The following CAST variants were observed in gnomAD, a reference collection of about 807,000 sequenced individuals.
CAST encodes the protein MIR583 host.
In CAST, 76 loss-of-function variants were observed where a neutral mutation model predicts 119.6. That is an observed-to-expected ratio of 0.64 (90% CI 0.53 to 0.77). The LOEUF is 0.77. CAST is among the 30% of genes least tolerant of loss of function. CAST has a pLI of 0.00. For synonymous variants in CAST, 319 were observed against 331.6 expected (o/e 0.96, Z 0.41); for missense variants, 953 against 946.5 (o/e 1.01, Z -0.09).
the CAST span, among the ~76,000 whole-genome samples, chr5:96,430,065 G>T: frequency 6.6e-6 from 1 of 152,172 alleles, no homozygotes; most frequent in Non-Finnish European, 1.5e-5. Context: ...TGTAGCCATT[G>T]AATTCATAGT....
chr5:96,694,861 A>T (rs1336304160), intron 2 of CAST, among the ~76,000 whole-genome samples: 2 of 152,244 alleles, frequency 1.3e-5, no homozygotes, highest in Non-Finnish European at 2.9e-5. Context: ...TACTCTTCAC[A>T]CCATCAGAAA....
the CAST span, chr5:95,961,869 G>A: frequency 1.9e-6 from 2 of 1,070,196 alleles, no homozygotes; most frequent in Non-Finnish European, 2.5e-6. Flanking sequence ...GCCAGACCTC[G>A]GACTGCCACC....
At chr5:96,603,536 G>A (rs986140705) in intron 1 of CAST, among the ~76,000 whole-genome samples, 4 of 152,084 alleles carry the variant, frequency 2.6e-5, no homozygotes, top group African/African-American at 9.7e-5. Context: ...CTCTTCAGGG[G>A]CAATAACACC....
chr5:96,365,524 T>C, the CAST span, among the ~76,000 whole-genome samples: 25 of 152,364 alleles, frequency 1.6e-4, no homozygotes, highest in East Asian at 4.8e-3. Flanking sequence ...TGGGTGCATA[T>C]ATATTTAGGA....
At chr5:96,042,675 C>T in the CAST span, among the ~76,000 whole-genome samples, 4 of 152,108 alleles carry the variant, frequency 2.6e-5, no homozygotes, top group Admixed American at 2.0e-4. Context: ...AGCTGTATGA[C>T]AAAGTGGCTA....
chr5:96,046,845 A>G, the CAST span, among the ~76,000 whole-genome samples: 2 of 152,170 alleles, frequency 1.3e-5, no homozygotes, highest in African/African-American at 4.8e-5. Flanking sequence ...CAAGAGAAAA[A>G]TGAGGAAGAA....
chr5:96,594,514 A>C (rs2150192492), intron 1 of CAST, among the ~76,000 whole-genome samples: 1 of 152,364 alleles, frequency 6.6e-6, no homozygotes, highest in East Asian at 1.9e-4. Flanking sequence ...GCGTTGTAGA[A>C]TATAAAGATG....
the CAST span, among the ~76,000 whole-genome samples, chr5:96,268,917 A>G: frequency 1.3e-5 from 2 of 152,072 alleles, no homozygotes; most frequent in South Asian, 2.1e-4. Flanking sequence ...GTTTCCCCCA[A>G]TGCTGTTCTC....
chr5:96,458,578 T>C, the CAST span, among the ~76,000 whole-genome samples: 1 of 152,128 alleles, frequency 6.6e-6, no homozygotes, highest in Non-Finnish European at 1.5e-5. Context: ...TAAGAATGGA[T>C]ATAATTTCAG....
chr5:95,962,460 A>G, the CAST span, among the ~76,000 whole-genome samples: 1 of 152,198 alleles, frequency 6.6e-6, no homozygotes, highest in South Asian at 2.1e-4. Context: ...GAAACTGCTC[A>G]CTCTAAACTT....
At chr5:96,743,698 C>T (rs26506) in intron 16 of CAST, 1,016,347 of 1,608,898 alleles carry the variant, frequency 0.63, 324,652 homozygotes, top group Non-Finnish European at 0.66. Flanking sequence ...AGCTTTGTGA[C>T]GGTGAACGCA....
At chr5:96,632,670 G>A (rs554222344) in intron 1 of CAST, among the ~76,000 whole-genome samples, 161 of 74,080 alleles carry the variant, frequency 2.2e-3, no homozygotes, top group African/African-American at 6.8e-3. Context: ...TGGTCTCAGC[G>A]CTATTTGTCG....
intron 3 of CAST, among the ~76,000 whole-genome samples, chr5:96,710,130 G>A (rs1258755622): frequency 6.6e-6 from 1 of 152,164 alleles, no homozygotes. Flanking sequence ...AGGTTCTTCA[G>A]TAACCTAGGC....
chr5:96,701,735 G>A (rs1193434249), intron 3 of CAST, among the ~76,000 whole-genome samples: 1 of 151,702 alleles, frequency 6.6e-6, no homozygotes, highest in Admixed American at 6.6e-5. Context: ...AACCTGGGAG[G>A]TGGAGGTTGC....
At chr5:96,580,402 C>A (rs748393127) in intron 1 of CAST, among the ~76,000 whole-genome samples, 7 of 152,122 alleles carry the variant, frequency 4.6e-5, no homozygotes, top group Non-Finnish European at 7.4e-5. Context: ...ATTTGAAAAC[C>A]AAATAGAGAA....
intron 2 of CAST, among the ~76,000 whole-genome samples, chr5:96,685,937 ATTTC>A (rs912083249): frequency 2.0e-5 from 3 of 152,114 alleles, no homozygotes; most frequent in African/African-American, 4.8e-5. Context: ...ATAAACATTG[ATTTC>A]TTTATTTCTT....
At chr5:96,145,555 G>A in the CAST span, among the ~76,000 whole-genome samples, 47,151 of 151,936 alleles carry the variant, frequency 0.31, 7,553 homozygotes, top group Middle Eastern at 0.38. Context: ...TAAGCCAAAG[G>A]AGAGGGAAAT....
intron 1 of CAST, among the ~76,000 whole-genome samples, chr5:96,634,195 T>C (rs1301642129): frequency 6.6e-6 from 1 of 152,174 alleles, no homozygotes; most frequent in East Asian, 1.9e-4. Flanking sequence ...ATTTCTTTTG[T>C]GGAGTGTGTA....
chr5:96,241,169 G>A, the CAST span, among the ~76,000 whole-genome samples: 146 of 150,250 alleles, frequency 9.7e-4, no homozygotes, highest in Middle Eastern at 3.4e-3. Context: ...CCATTAACTC[G>A]TCATTTAGCA....
Sources: allele counts gnomAD v4.1 joint callset (sites outside exome capture counted in the v4.1 genomes callset), GRCh38; gene constraint gnomAD v4.1.1; transcripts MANE v1.5; gene names NCBI Gene and HGNC (gene_info 2026-07-23, HGNC 2026-07-21).